Variants in MYT1L observed in about 807,000 individuals in gnomAD.
MYT1L encodes myelin transcription factor 1 like.
A neutral mutation model predicts 126.7 loss-of-function variants in MYT1L; 12 were observed. The observed-to-expected ratio is 0.09, with a 90% CI of 0.06 to 0.15. MYT1L has a LOEUF of 0.15. Ranked by LOEUF, MYT1L falls within the 10% of genes least tolerant of loss-of-function variation. The pLI is 1.00. For missense variants in MYT1L, 979 were observed against 1,585.2 expected (o/e 0.62, Z 6.49); for synonymous variants, 541 against 604.2 (o/e 0.90, Z 1.53).
intron 2 of MYT1L, among the ~76,000 whole-genome samples, chr2:2,271,433 G>A (rs1399282957): frequency 6.6e-6 from 1 of 152,152 alleles, no homozygotes; most frequent in African/African-American, 2.4e-5. Context: ...CACCCCATTC[G>A]AATGGTGGGA....
chr2:2,185,477 G>T (rs1198550211), intron 2 of MYT1L, among the ~76,000 whole-genome samples: 2 of 123,986 alleles, frequency 1.6e-5, no homozygotes, highest in Non-Finnish European at 3.4e-5. Flanking sequence ...TTCCTTCTGT[G>T]AGGGGGACGC....
At chr2:2,165,625 T>C (rs988469407) in intron 3 of MYT1L, among the ~76,000 whole-genome samples, 8 of 152,180 alleles carry the variant, frequency 5.3e-5, no homozygotes, top group Non-Finnish European at 1.2e-4. Context: ...CTAGGATATA[T>C]AAAAGGAAAA....
At chr2:2,071,505 G>A (rs2074595537) in intron 3 of MYT1L, among the ~76,000 whole-genome samples, 1 of 152,170 alleles carries the variant, frequency 6.6e-6, no homozygotes, top group Non-Finnish European at 1.5e-5. Flanking sequence ...TTACAATACA[G>A]AAAAGCTCAG....
intron 2 of MYT1L, among the ~76,000 whole-genome samples, chr2:2,196,610 C>G (rs939149451): frequency 6.6e-6 from 1 of 151,518 alleles, no homozygotes; most frequent in Non-Finnish European, 1.5e-5. Context: ...CAGTAACACA[C>G]AAATAGGGGG....
intron 3 of MYT1L, among the ~76,000 whole-genome samples, chr2:2,145,642 G>GACACACACAC (rs139332300): frequency 1.4e-4 from 20 of 146,526 alleles, no homozygotes; most frequent in African/African-American, 5.0e-4. Context: ...ACACACACAA[G>GACACACACAC]ACACACACAC....
chr2:1,934,447 C>A (rs1043494604), intron 9 of MYT1L, among the ~76,000 whole-genome samples: 2 of 151,902 alleles, frequency 1.3e-5, no homozygotes, highest in Admixed American at 1.3e-4. Context: ...GCTGTCCTTT[C>A]TATGAGCTAA....
At chr2:1,798,613 C>G (rs2147877869) in intron 23 of MYT1L, among the ~76,000 whole-genome samples, 1 of 152,330 alleles carries the variant, frequency 6.6e-6, no homozygotes, top group Admixed American at 6.5e-5. Context: ...TGGGAGAAGT[C>G]TGCCTTTCTC....
intron 3 of MYT1L, among the ~76,000 whole-genome samples, chr2:2,125,204 G>A (rs1422623340): frequency 2.6e-5 from 4 of 152,084 alleles, no homozygotes; most frequent in Admixed American, 2.6e-4. Context: ...ACACCTGCCA[G>A]TCTCCCTCAC....
rs1401169079 is a variant in MYT1L, at chr2:1,922,890, G to A, written c.879C>T (p.Asp293=). The change falls in exon 10 of 25, where the codon GAC becomes GAT. Residue 293 remains aspartate, a synonymous_variant. Transcript: ENST00000647738. This position sits in a 1 kb window ranked among gnomAD's most constrained non-coding sequence, Gnocchi z 7.4. The stretch of plus-strand genomic sequence containing the variant: ...ACATGACGTAATTCATATTTCTACT[G>A]TCTTGCTGCGACATGCTGTCTGCAT... ...RNYADSMSQQ[D]SRNMNYVMLG... The A allele has an allele frequency of 3.1e-6, 5 of 1,613,992 alleles. No homozygotes were observed. The highest frequency in any genetic ancestry group is 4.2e-6 in the Non-Finnish European group (5 of 1,179,898).
chr2:2,257,627 T>C (rs2094853171), intron 2 of MYT1L, among the ~76,000 whole-genome samples: 1 of 152,160 alleles, frequency 6.6e-6, no homozygotes, highest in African/African-American at 2.4e-5. Context: ...CATCACTAAC[T>C]TTTTAAAAAT....
intron 18 of MYT1L, among the ~76,000 whole-genome samples, chr2:1,873,085 G>C (rs1164188133): frequency 3.3e-5 from 5 of 152,222 alleles, no homozygotes; most frequent in Non-Finnish European, 7.3e-5. Context: ...AATCACAGGT[G>C]CTGCTGACGG....
At chr2:2,033,838 C>T (rs2066694781) in intron 4 of MYT1L, among the ~76,000 whole-genome samples, 1 of 152,154 alleles carries the variant, frequency 6.6e-6, no homozygotes, top group African/African-American at 2.4e-5. Flanking sequence ...CTTGGCTGTG[C>T]CCTTGTCAGG....
intron 5 of MYT1L, among the ~76,000 whole-genome samples, chr2:1,992,513 A>T (rs1300085959): frequency 6.6e-6 from 1 of 152,180 alleles, no homozygotes; most frequent in Non-Finnish European, 1.5e-5. Flanking sequence ...ATTCTCGGGC[A>T]TAAGAACCCA....
Position 1,979,419 on chromosome 2 carries a change from G to T in MYT1L, c.89+102C>A, listed in dbSNP as rs774466340. 8.0e-7 allele frequency: 1 copy of T among 1,244,860 alleles called. No homozygotes were observed. Among genetic ancestry groups the T allele is most frequent in the Non-Finnish European group, 1.2e-6 (1 of 844,612 alleles). The allele number at this position is 1,244,860 out of a possible 1,614,324, so 77.1% of individuals were successfully genotyped here. ...ATTAATTTCATCAGTGCAGCAGGGC[G>T]TGAGCAAGCTGCCGATGAGCTGGAA... On this transcript the variant is annotated intron_variant, in intron 7 of 24. Coordinates refer to ENST00000647738, the MANE Select transcript of MYT1L (RefSeq NM_001303052.2). This position sits in a 1 kb window ranked among gnomAD's most constrained non-coding sequence, Gnocchi z 4.0.
chr2:1,986,894 C>G (rs2061072120), intron 5 of MYT1L, among the ~76,000 whole-genome samples: 1 of 152,124 alleles, frequency 6.6e-6, no homozygotes, highest in Admixed American at 6.5e-5. Flanking sequence ...AGCGTGATAC[C>G]TACTTTTACA....
At chr2:1,859,047 C>T (rs2044254179) in intron 18 of MYT1L, among the ~76,000 whole-genome samples, 1 of 152,210 alleles carries the variant, frequency 6.6e-6, no homozygotes, top group Non-Finnish European at 1.5e-5. Context: ...GGAGGGTGCT[C>T]TTGTCACTAA....
At chr2:2,234,696 T>C (rs1324979203) in intron 2 of MYT1L, among the ~76,000 whole-genome samples, 2 of 152,216 alleles carry the variant, frequency 1.3e-5, no homozygotes, top group Non-Finnish European at 2.9e-5. Flanking sequence ...GGTTATAGAA[T>C]ATCCTGACTT....
intron 8 of MYT1L, among the ~76,000 whole-genome samples, chr2:1,965,278 C>A (rs1223763557): frequency 2.0e-5 from 3 of 149,854 alleles, no homozygotes; most frequent in Non-Finnish European, 4.4e-5. Context: ...GGGACCCAGA[C>A]TCTGTGACTT....
At chr2:2,254,066 T>C (rs1296143515) in intron 2 of MYT1L, among the ~76,000 whole-genome samples, 3 of 152,178 alleles carry the variant, frequency 2.0e-5, no homozygotes, top group Non-Finnish European at 4.4e-5. Flanking sequence ...GAAAGGAATG[T>C]TGTGCACCGT....
Sources: gnomAD v4.1 joint callset for allele counts (sites outside exome capture counted in the v4.1 genomes callset) on GRCh38, gnomAD v4.1.1 for gene constraint, Gnocchi (gnomAD v3.1) non-coding constraint, MANE v1.5 for transcripts, NCBI Gene and HGNC (gene_info 2026-07-23, HGNC 2026-07-21) for gene names.